Variants in C1QTNF3 observed in about 807,000 individuals in gnomAD.
C1QTNF3 encodes the protein complement C1q tumor necrosis factor-related protein 3.
A neutral mutation model predicts 32.6 loss-of-function variants in C1QTNF3; 26 were observed. The ratio of observed to expected loss-of-function variants is 0.80; its 90% CI spans 0.58 to 1.11. The LOEUF is 1.11. Among genes scored for constraint, C1QTNF3 ranks in the 50% least tolerant of loss-of-function variants. C1QTNF3 has a pLI of 0.00. For missense variants in C1QTNF3, 362 were observed against 398.2 expected (o/e 0.91, Z 0.77); for synonymous variants, 155 against 146.0 (o/e 1.06, Z -0.44).
chr5:34,114,277 A>G, the C1QTNF3 span, among the ~76,000 whole-genome samples: 3 of 152,188 alleles, frequency 2.0e-5, no homozygotes, highest in African/African-American at 7.2e-5. Flanking sequence ...GTCAAAATCA[A>G]TGTATATTTT....
chr5:34,020,810 GT>G (rs1363687821), intron 5 of C1QTNF3, 68 bp from the exon 6 acceptor site: 1 of 1,499,408 alleles, frequency 6.7e-7, no homozygotes, highest in Non-Finnish European at 9.2e-7. Context: ...ACCAAAGTCT[GT>G]GCTCCCCTTC....
At chr5:34,227,551 A>G in the C1QTNF3 span, among the ~76,000 whole-genome samples, 1 of 151,776 alleles carries the variant, frequency 6.6e-6, no homozygotes, top group Non-Finnish European at 1.5e-5. Context: ...ATTTTTCATA[A>G]ATCTCCAAAA....
rs866319497 is a variant in C1QTNF3 at position 34,020,525 on chromosome 5, G to A, written c.*58C>T. On this transcript the variant is annotated 3_prime_UTR_variant, in exon 6 of 6. Coordinates refer to ENST00000382065, the MANE Select transcript of C1QTNF3 (RefSeq NM_181435.6). Reference sequence around the variant, plus strand: ...CCTCAACTTTAATGTTCCTCAGATCGTAACAAATCAGCTCAGCTACAAGTC... The same window carrying A: ...CCTCAACTTTAATGTTCCTCAGATCATAACAAATCAGCTCAGCTACAAGTC... 118 of 1,569,570 alleles carry A rather than the reference G, an allele frequency of 7.5e-5. No homozygotes were observed. The African/African-American group carries it at 1.0e-3, about 14-fold the overall frequency.
chr5:34,233,787 C>T, the C1QTNF3 span, among the ~76,000 whole-genome samples: 72 of 151,880 alleles, frequency 4.7e-4, no homozygotes, highest in South Asian at 0.014. Flanking sequence ...GCAACTTCTT[C>T]GAATAGGTGA....
intron 5 of C1QTNF3, 141 bp downstream of exon 5, chr5:34,023,768 C>T: frequency 1.8e-6 from 1 of 565,564 alleles, no homozygotes; most frequent in East Asian, 2.8e-5. Flanking sequence ...ATAATGTGGC[C>T]ATACTGGTGC....
At chr5:34,087,546 G>C in the C1QTNF3 span, among the ~76,000 whole-genome samples, 1 of 144,500 alleles carries the variant, frequency 6.9e-6, no homozygotes, top group East Asian at 2.1e-4. Context: ...CAATGGCTAA[G>C]CATTTCAGTA....
the C1QTNF3 span, chr5:34,200,968 T>C: frequency 6.6e-5 from 10 of 152,050 alleles, no homozygotes; most frequent in South Asian, 2.1e-3. Context: ...CATCACATCC[T>C]AAATTTGCTT....
At chr5:34,188,566 G>T in the C1QTNF3 span, among the ~76,000 whole-genome samples, 1 of 152,388 alleles carries the variant, frequency 6.6e-6, no homozygotes, top group Non-Finnish European at 1.5e-5. Flanking sequence ...TCTAAGATTT[G>T]CCTGCTGGGT....
At chr5:34,116,871 A>G in the C1QTNF3 span, among the ~76,000 whole-genome samples, 5 of 152,244 alleles carry the variant, frequency 3.3e-5, no homozygotes, top group Non-Finnish European at 7.3e-5. Flanking sequence ...CTGGGATTAC[A>G]GGCATGAACC....
At chr5:34,049,944 A>C in the C1QTNF3 span, among the ~76,000 whole-genome samples, 1 of 152,234 alleles carries the variant, frequency 6.6e-6, no homozygotes. Flanking sequence ...ATTTACAGCA[A>C]CATCTAGACT....
the C1QTNF3 span, among the ~76,000 whole-genome samples, chr5:34,237,636 C>T: frequency 6.6e-6 from 1 of 152,066 alleles, no homozygotes; most frequent in Non-Finnish European, 1.5e-5. Context: ...GAGTAAACCA[C>T]CATAATTTAG....
At chr5:34,195,839 C>CAAAAAAAA in the C1QTNF3 span, among the ~76,000 whole-genome samples, 9 of 92,470 alleles carry the variant, frequency 9.7e-5, no homozygotes, top group African/African-American at 2.9e-4. Context: ...GACTCTGTCT[C>CAAAAAAAA]AAAAAAAAAA....
chr5:34,167,336 C>A, the C1QTNF3 span: 3 of 152,154 alleles, frequency 2.0e-5, no homozygotes, highest in African/African-American at 7.2e-5. Flanking sequence ...AAGCTTAATG[C>A]ATCATCTTAA....
At chr5:34,046,892 A>G (rs1754993890), upstream of C1QTNF3, among the ~76,000 whole-genome samples, 1 of 152,206 alleles carries the variant, frequency 6.6e-6, no homozygotes, top group Admixed American at 6.5e-5. Context: ...GCCAGAGAGA[A>G]GAGTCCCTCA....
At chr5:34,222,904 A>G in the C1QTNF3 span, among the ~76,000 whole-genome samples, 1 of 151,978 alleles carries the variant, frequency 6.6e-6, no homozygotes, top group Admixed American at 6.6e-5. Flanking sequence ...TATAAATATT[A>G]TAATACTAAT....
the C1QTNF3 span, among the ~76,000 whole-genome samples, chr5:34,048,690 C>CAA: frequency 8.9e-4 from 123 of 137,938 alleles, 1 homozygote; most frequent in African/African-American, 3.2e-3. Context: ...AACAGCAAGC[C>CAA]AAAAAAAAAA....
chr5:34,063,757 C>T, the C1QTNF3 span, among the ~76,000 whole-genome samples: 1 of 152,056 alleles, frequency 6.6e-6, no homozygotes, highest in African/African-American at 2.4e-5. Flanking sequence ...TCCTTAGATC[C>T]CTTTGGAGAT....
the C1QTNF3 span, among the ~76,000 whole-genome samples, chr5:34,130,099 T>C: frequency 2.6e-5 from 4 of 151,884 alleles, no homozygotes; most frequent in African/African-American, 9.7e-5. Flanking sequence ...TTGTCTTCAT[T>C]TGTCTTTTTC....
In C1QTNF3 at chr5:34,023,962, C is replaced by T; in HGVS notation, c.747G>A (p.Glu249=). 2 of 1,614,160 alleles carry T rather than the reference C, an allele frequency of 1.2e-6. No individual in the cohort carries two copies. The highest frequency in any genetic ancestry group is 1.7e-6 in the Non-Finnish European group (2 of 1,180,024). The change falls in exon 5 of 6, where the codon GAG becomes GAA. Residue 249 remains glutamate, a synonymous_variant. Transcript: ENST00000382065. ...TGTGCATAAGGTACACATACACTTC[C>T]TCAACATCCTCATGCTTCATCATGC... The part of the protein sequence containing the change: ...TFSMMKHEDV[E]EVYVYLMHNG...
Sources: gnomAD v4.1 joint callset for allele counts (sites outside exome capture counted in the v4.1 genomes callset) on GRCh38, gnomAD v4.1.1 for gene constraint, MANE v1.5 for transcripts, NCBI Gene and HGNC (gene_info 2026-07-23, HGNC 2026-07-21) for gene names.